AFF3: variants seen among roughly 807,000 people sequenced by gnomAD.
AFF3 encodes AF4/FMR2 family member 3.
A neutral mutation model predicts 129.7 loss-of-function variants in AFF3; 32 were observed. The observed-to-expected ratio is 0.25, with a 90% CI of 0.19 to 0.33. The LOEUF (loss-of-function observed/expected upper bound fraction) is 0.33. Among genes scored for constraint, AFF3 ranks in the 10% least tolerant of loss-of-function variants. The probability of loss-of-function intolerance (pLI) is 1.00; values close to 1 mark genes in which losing one functional copy is unlikely to be tolerated. For synonymous variants in AFF3, 644 were observed against 635.4 expected (o/e 1.01, Z -0.20); for missense variants, 1,373 against 1,592.0 (o/e 0.86, Z 2.34).
At chr2:99,616,276 A>C (rs1681420533) in intron 13 of AFF3, among the ~76,000 whole-genome samples, 1 of 152,136 alleles carries the variant, frequency 6.6e-6, no homozygotes, top group Non-Finnish European at 1.5e-5. Context: ...GTGCGGCCTC[A>C]AACTTCCATC....
intron 13 of AFF3, among the ~76,000 whole-genome samples, chr2:99,628,536 T>C (rs1283869344): frequency 6.6e-6 from 1 of 151,988 alleles, no homozygotes; most frequent in Non-Finnish European, 1.5e-5. Context: ...CTCTTCCTAT[T>C]TGAATACCCT....
At chr2:99,740,002 C>T (rs1680582284) in intron 10 of AFF3, among the ~76,000 whole-genome samples, 1 of 141,068 alleles carries the variant, frequency 7.1e-6, no homozygotes, top group Non-Finnish European at 1.5e-5. Context: ...GTAATGTTCC[C>T]CTTCCTGTGT....
At chr2:99,590,130 C>T (rs1241770238) in intron 15 of AFF3, among the ~76,000 whole-genome samples, 1 of 152,226 alleles carries the variant, frequency 6.6e-6, no homozygotes, top group Non-Finnish European at 1.5e-5. Context: ...AGTGGGCAAC[C>T]CCCAGGGGAT....
intron 4 of AFF3, among the ~76,000 whole-genome samples, chr2:100,029,287 G>C (rs1036458413): frequency 3.9e-5 from 6 of 152,164 alleles, no homozygotes; most frequent in African/African-American, 1.4e-4. Flanking sequence ...AGGAAACTGA[G>C]ACAGACATAG....
At chr2:99,831,318 G>A (rs1236591997) in intron 8 of AFF3, among the ~76,000 whole-genome samples, 1 of 152,228 alleles carries the variant, frequency 6.6e-6, no homozygotes, top group Non-Finnish European at 1.5e-5. Flanking sequence ...TCTCCAGTAA[G>A]TTTTCAAAGT....
In AFF3 at chr2:99,809,367, C is replaced by T. The variant is rs532775033; in HGVS notation, c.921+28110G>A. Reference sequence around the variant, plus strand: ...ACGCGGGGGGCTGGCGCTCCTACTGCAGCCTGCACCTCTGGCAGTGGGGAG... The same window carrying T: ...ACGCGGGGGGCTGGCGCTCCTACTGTAGCCTGCACCTCTGGCAGTGGGGAG... On this transcript the variant is annotated intron_variant, in intron 8 of 24. Transcript: ENST00000672756. Among the ~76,000 whole-genome samples the T allele has an allele frequency of 5.3e-5, 8 of 152,362 alleles. No individual in the cohort carries two copies. In the South Asian group the frequency reaches 1.7e-3, roughly 32 times the overall value.
chr2:99,988,048 G>T (rs940409784), intron 7 of AFF3, among the ~76,000 whole-genome samples: 2 of 152,138 alleles, frequency 1.3e-5, no homozygotes, highest in Non-Finnish European at 2.9e-5. Context: ...CAATAAAAGA[G>T]GCAGCTATGT....
chr2:99,719,330 G>A (rs146948081), intron 11 of AFF3, among the ~76,000 whole-genome samples: 98 of 152,138 alleles, frequency 6.4e-4, no homozygotes, highest in African/African-American at 2.2e-3. Context: ...ATTTTCATGC[G>A]TCACTGAATC....
intron 12 of AFF3, among the ~76,000 whole-genome samples, chr2:99,662,984 G>A (rs1393250544): frequency 6.6e-6 from 1 of 152,186 alleles, no homozygotes; most frequent in East Asian, 1.9e-4. Context: ...AGAGCGTCAG[G>A]ATCAACCAAG....
At chr2:100,000,692 C>T (rs547440133) in intron 7 of AFF3, among the ~76,000 whole-genome samples, 18 of 152,260 alleles carry the variant, frequency 1.2e-4, no homozygotes, top group East Asian at 3.9e-4. Flanking sequence ...ATTCACTCCC[C>T]GCTGCTGCAA....
intron 9 of AFF3, among the ~76,000 whole-genome samples, chr2:99,746,524 T>G (rs547818859): frequency 2.0e-5 from 3 of 152,280 alleles, no homozygotes; most frequent in Admixed American, 2.0e-4. Context: ...CTAATAAACC[T>G]CTTTCAATTA....
At chr2:99,921,650 G>T (rs1354193589) in intron 7 of AFF3, among the ~76,000 whole-genome samples, 1 of 152,076 alleles carries the variant, frequency 6.6e-6, no homozygotes, top group South Asian at 2.1e-4. Context: ...TTTAAAAAGA[G>T]TTATTAGAAT....
chr2:99,700,039 T>C (rs1676690048), intron 11 of AFF3, among the ~76,000 whole-genome samples: 1 of 152,196 alleles, frequency 6.6e-6, no homozygotes, highest in African/African-American at 2.4e-5. Flanking sequence ...ATTCATGATG[T>C]TTTGGGCAGT....
chr2:100,106,875 A>G, intron 2 of AFF3: 2 of 985,532 alleles, frequency 2.0e-6, no homozygotes, highest in Non-Finnish European at 1.2e-6. Context: ...AGAAAAGGAA[A>G]GAGGGAAGGC....
chr2:99,705,884 A>AC (rs1184281248), intron 11 of AFF3, among the ~76,000 whole-genome samples: 1 of 151,208 alleles, frequency 6.6e-6, no homozygotes, highest in East Asian at 1.9e-4. Context: ...CAAAAAAAAA[A>AC]AAAAAAAAAA....
intron 4 of AFF3, among the ~76,000 whole-genome samples, chr2:100,026,375 C>T (rs569241207): frequency 6.6e-6 from 1 of 152,138 alleles, no homozygotes; most frequent in South Asian, 2.1e-4. Context: ...CAAGAATGGC[C>T]ATAATCAAAA....
chr2:99,809,282 G>A (rs545721571), intron 8 of AFF3, among the ~76,000 whole-genome samples: 2 of 152,316 alleles, frequency 1.3e-5, no homozygotes, highest in South Asian at 4.1e-4. Flanking sequence ...GAGAAGAAGA[G>A]AAGAACAAGG....
chr2:100,009,714 T>C (rs1573098421), intron 4 of AFF3, among the ~76,000 whole-genome samples: 1 of 152,152 alleles, frequency 6.6e-6, no homozygotes, highest in East Asian at 1.9e-4. Context: ...AGAAATAAAG[T>C]GTTCCTTCCC....
At chr2:99,863,879 C>T (rs938944187) in intron 7 of AFF3, among the ~76,000 whole-genome samples, 3 of 152,138 alleles carry the variant, frequency 2.0e-5, no homozygotes, top group African/African-American at 7.2e-5. Context: ...GTGGAGCAAA[C>T]TCTCCATGTT....
Sources: gnomAD v4.1 joint callset for allele counts (sites outside exome capture counted in the v4.1 genomes callset) on GRCh38, gnomAD v4.1.1 for gene constraint, MANE v1.5 for transcripts, NCBI Gene and HGNC (gene_info 2026-07-23, HGNC 2026-07-21) for gene names.